Variants in BOP1 observed in about 807,000 individuals in gnomAD.
BOP1 encodes BOP1 ribosomal biogenesis factor.
Under a neutral mutation model 82.9 loss-of-function variants are expected in BOP1, and 54 were observed. The ratio of observed to expected loss-of-function variants is 0.65; its 90% CI spans 0.52 to 0.82. The LOEUF (loss-of-function observed/expected upper bound fraction) is 0.82, where lower values mean the gene tolerates loss of function less well. Ranked by LOEUF, BOP1 falls within the 40% of genes least tolerant of loss-of-function variation. The pLI is 0.00. For missense variants in BOP1, 1,170 were observed against 1,072.0 expected (o/e 1.09, Z -1.28); for synonymous variants, 566 against 451.1 (o/e 1.25, Z -3.23).
In BOP1 at chr8:144,264,368, T is replaced by C; in HGVS notation, c.835A>G (p.Ser279Gly). Residue 279 changes from serine to glycine, a missense_variant, in exon 7 of 16, where the codon AGC becomes GGC. Ser to Gly is a moderately conservative substitution (Grantham distance 56). Transcript: ENST00000569669. ...QPRRPRDPTP[S>G]FYDLWAQEDP... is the part of the protein sequence containing the mutation. The stretch of plus-strand genomic sequence containing the variant: ...TCCTGGGCCCACAGGTCATAGAAGC[T>C]GGGGGTGGGGTCTCGGGGCCGGCGA... The C allele has an allele frequency of 6.2e-7, 1 of 1,603,860 alleles. No individual in the cohort carries two copies. The highest frequency in any genetic ancestry group is 8.5e-7 in the Non-Finnish European group (1 of 1,179,440).
intron 3 of BOP1, among the ~76,000 whole-genome samples, chr8:144,275,693 G>A (rs1383826827): frequency 2.0e-5 from 3 of 152,154 alleles, no homozygotes; most frequent in African/African-American, 4.8e-5. Context: ...ACCAGGGGTG[G>A]GGGGCAGGGG....
chr8:144,271,296 T>C (rs1554837754), intron 3 of BOP1, among the ~76,000 whole-genome samples: 16 of 152,002 alleles, frequency 1.1e-4, no homozygotes, highest in Non-Finnish European at 1.5e-5. Flanking sequence ...ACTGCAGGTA[T>C]GGGGCTGGCC....
chr8:144,270,558 G>A (rs963661600), intron 3 of BOP1, among the ~76,000 whole-genome samples: 4 of 152,102 alleles, frequency 2.6e-5, no homozygotes, highest in Non-Finnish European at 5.9e-5. Flanking sequence ...AGCAGCGGCC[G>A]AGGGCCCGGC....
intron 2 of BOP1, among the ~76,000 whole-genome samples, chr8:144,277,377 C>A (rs1280943098): frequency 6.6e-6 from 1 of 152,230 alleles, no homozygotes; most frequent in East Asian, 1.9e-4. Context: ...CCCCCACAGC[C>A]GCAGCAGATC....
rs1267233597 is a variant in BOP1, at chr8:144,263,314, C to A, written c.1512G>T (p.Pro504=). The change falls in exon 12 of 16, where the codon CCG becomes CCT. Residue 504 remains proline (P), a synonymous_variant. Coordinates refer to ENST00000569669, the MANE Select transcript of BOP1 (RefSeq NM_015201.5). ...STDQLLSAFV[P]PEEPPLQPAR... is the part of the protein sequence containing the mutation. ...CCGGCTGCAAGGGGGGCTCCTCAGG[C>A]GGGACGAAGGCGCTCAACAGCTGAT... 2 of 1,593,748 alleles carry A rather than the reference C, an allele frequency of 1.3e-6. No homozygotes were observed. Among genetic ancestry groups the A allele is most frequent in the Non-Finnish European group, 1.7e-6 (2 of 1,178,696 alleles).
At chr8:144,271,064 C>T (rs955172277) in intron 3 of BOP1, among the ~76,000 whole-genome samples, 10 of 138,434 alleles carry the variant, frequency 7.2e-5, no homozygotes, top group Non-Finnish European at 1.6e-4. Flanking sequence ...CCGGGTCAGG[C>T]CCCGCACGGA....
intron 2 of BOP1, among the ~76,000 whole-genome samples, chr8:144,282,352 G>A (rs1258464028): frequency 2.0e-5 from 3 of 152,202 alleles, no homozygotes; most frequent in Non-Finnish European, 4.4e-5. Context: ...TAGGAACCAG[G>A]CCAGGAGACA....
intron 2 of BOP1, among the ~76,000 whole-genome samples, chr8:144,286,776 GCACACAGAC>G (rs1423076098): frequency 6.6e-6 from 1 of 152,352 alleles, no homozygotes; most frequent in East Asian, 1.9e-4. Context: ...GGATGACGGA[GCACACAGAC>G]CACAGACAGC....
In BOP1 at chr8:144,265,071, C is replaced by G; in HGVS notation, c.391G>C (p.Asp131His). The change falls in exon 4 of 16, where the codon GAC (aspartate) becomes CAC (histidine). Residue 131 changes from aspartate to histidine, a missense_variant and splice_region_variant. Coordinates refer to ENST00000569669, the MANE Select transcript of BOP1 (RefSeq NM_015201.5). ...EYAEDSSDEEDIRNTVGNVPL... is the reference protein window; with the variant it reads ...EYAEDSSDEEHIRNTVGNVPL... ...ACGTTGCCCACCGTGTTCCGGATGT[C>G]CTGCAGCCGGGGGCCACCATGTCGG... is the stretch of plus-strand genomic sequence containing the variant. 2 of 1,607,898 alleles carry G rather than the reference C, an allele frequency of 1.2e-6. No homozygotes were observed. Among genetic ancestry groups the G allele is most frequent in the Admixed American group, 3.3e-5 (2 of 59,856 alleles).
At chr8:144,284,211 T>A (rs1438313702) in intron 2 of BOP1, among the ~76,000 whole-genome samples, 2 of 152,074 alleles carry the variant, frequency 1.3e-5, no homozygotes, top group Non-Finnish European at 2.9e-5. Flanking sequence ...GGTAGGAGGA[T>A]CCCTTGAGCC....
chr8:144,271,008 G>A (rs1564597933), intron 3 of BOP1, among the ~76,000 whole-genome samples: 2 of 151,846 alleles, frequency 1.3e-5, no homozygotes, highest in African/African-American at 2.4e-5. Context: ...CACCCGCCCC[G>A]CCCAGCGCAG....
At chr8:144,265,114 C>A in intron 3 of BOP1, 43 bp from the exon 4 acceptor site, 1 of 1,586,276 alleles carries the variant, frequency 6.3e-7, no homozygotes, top group Non-Finnish European at 8.6e-7. Flanking sequence ...TCCTACAAGG[C>A]CCACCCCCGC....
chr8:144,290,460 T>C (rs568189787), intron 1 of BOP1, among the ~76,000 whole-genome samples: 1 of 152,372 alleles, frequency 6.6e-6, no homozygotes, highest in Admixed American at 6.5e-5. Context: ...AGGTACGACC[T>C]GCATGTATTA....
At position 144,276,258 on chromosome 8, in the gene BOP1, C is replaced by A. The variant is rs1845566557; in HGVS notation, c.356G>T (p.Gly119Val). The A allele has an allele frequency of 5.0e-6, 8 of 1,613,694 alleles. No homozygotes were observed. The South Asian group carries it at 7.7e-5, about 16-fold the overall frequency. ...PRTEMASARI[G>V]DEYAEDSSDE... The stretch of plus-strand genomic sequence containing the variant: ...AGAGCTGTCCTCCGCATACTCATCC[C>A]CAATCCGGGCGCTCGCCATCTCTGT... Residue 119 changes from glycine (G) to valine (V), a missense_variant, in exon 3 of 16, where the codon GGG becomes GTG. Physicochemically the swap from Gly to Val is moderately radical, Grantham distance 109 (BLOSUM62 -3). Coordinates refer to ENST00000569669, the MANE Select transcript of BOP1 (RefSeq NM_015201.5).
intron 2 of BOP1, among the ~76,000 whole-genome samples, chr8:144,277,669 AG>A (rs1845588511): frequency 6.6e-6 from 1 of 152,228 alleles, no homozygotes; most frequent in African/African-American, 2.4e-5. Flanking sequence ...GGCTCTGGGC[AG>A]GGGGCAGAGG....
intron 3 of BOP1, chr8:144,265,635 G>A (rs2130203407): frequency 6.1e-6 from 1 of 163,650 alleles, no homozygotes; most frequent in South Asian, 1.6e-4. Context: ...CCAGCCTGGG[G>A]ACCGCTGCCC....
intron 3 of BOP1, among the ~76,000 whole-genome samples, chr8:144,271,530 C>T (rs942452174): frequency 6.6e-6 from 1 of 152,104 alleles, no homozygotes; most frequent in African/African-American, 2.4e-5. Context: ...TGTCTCGGAG[C>T]GCCACACGGC....
chr8:144,266,447 C>G, intron 3 of BOP1: 1 of 954,530 alleles, frequency 1.0e-6, no homozygotes, highest in Non-Finnish European at 1.2e-6. Context: ...CTCGGGGCCC[C>G]GCTCCGGCCC....
Position 144,262,878 on chromosome 8 carries a change from C to G in BOP1, c.1869G>C (p.Val623=). 5.4e-6 allele frequency: 8 copies of G among 1,476,276 alleles called. No individual in the cohort carries two copies. Among genetic ancestry groups the G allele is most frequent in the Non-Finnish European group, 7.2e-6 (8 of 1,108,696 alleles). 91.4% of individuals were successfully genotyped at this position (1,476,276 alleles called of 1,614,324 possible). A position where few individuals can be genotyped will look rare whatever the true frequency, so the allele number is the denominator to read the frequency against. ...TKKLMPNCKW[V]SSLAVHPAGD... ...CTGCAGGGTGCACCGCCAGGCTGGACACCCACTTGCAGTTGGGCATCAGCT... is the reference window on the plus strand; with the variant it reads ...CTGCAGGGTGCACCGCCAGGCTGGAGACCCACTTGCAGTTGGGCATCAGCT... Residue 623 remains valine (V), a synonymous_variant, in exon 13 of 16, where the codon GTG becomes GTC. Transcript: ENST00000569669.
Sources: gnomAD v4.1 joint callset for allele counts (sites outside exome capture counted in the v4.1 genomes callset) on GRCh38, gnomAD v4.1.1 for gene constraint, MANE v1.5 for transcripts, NCBI Gene and HGNC (gene_info 2026-07-23, HGNC 2026-07-21) for gene names.